Variants in DRAM1 observed in about 807,000 individuals in gnomAD.
The protein encoded by DRAM1 is DNA damage-regulated autophagy modulator protein 1.
In DRAM1, 25 loss-of-function variants were observed where a neutral mutation model predicts 28.5. The observed-to-expected ratio is 0.88, with a 90% CI of 0.64 to 1.23. DRAM1 has a LOEUF of 1.23. DRAM1 is among the 50% of genes most tolerant of loss of function. The pLI is 0.00. For missense variants in DRAM1, 249 were observed against 299.2 expected, an observed-to-expected ratio of 0.83 and a Z score of 1.24; for synonymous variants, 113 against 114.2, an observed-to-expected ratio of 0.99 and a Z score of 0.07.
intron 5 of DRAM1, among the ~76,000 whole-genome samples, chr12:101,915,881 G>A (rs1048788153): frequency 2.0e-5 from 3 of 152,242 alleles, no homozygotes; most frequent in South Asian, 2.1e-4. Context: ...GAACGGTAAA[G>A]CAAATAGAAA....
intron 1 of DRAM1, among the ~76,000 whole-genome samples, chr12:101,892,736 G>T (rs1033813133): frequency 6.6e-5 from 10 of 151,968 alleles, no homozygotes; most frequent in Non-Finnish European, 5.9e-5. Context: ...TTATTTTTAT[G>T]TATTTTTTAT....
rs543108431 is a variant in DRAM1, at chr12:101,888,898, G to A, written c.132-8965G>A. Among the ~76,000 whole-genome samples the A allele has an allele frequency of 2.0e-5, 3 of 147,268 alleles. No individual in the cohort carries two copies. In the East Asian group the frequency reaches 6.0e-4, roughly 29 times the overall value. Reference sequence around the variant, plus strand: ...CAGCTCACTGCAGCGTCTGCCTTCCGGGCTCAAGTGATCCTCCTACCTCAG... The same window carrying A: ...CAGCTCACTGCAGCGTCTGCCTTCCAGGCTCAAGTGATCCTCCTACCTCAG... On this transcript the variant is annotated intron_variant, in intron 1 of 6. Transcript: ENST00000258534.
In DRAM1 at chr12:101,882,389, C is replaced by T. The variant is rs190381209; in HGVS notation, c.131+4469C>T. 1.3e-4 allele frequency among the ~76,000 whole-genome samples: 20 copies of T among 151,164 alleles called. 2 individuals carry two copies. The East Asian group carries it at 3.4e-3, about 26-fold the overall frequency. ...CCTCCCAAAGTGCTGGGATTACAGG[C>T]GTGAGCCACCGCGCCCGGCCCCTGA... is the stretch of plus-strand genomic sequence containing the variant. On this transcript the variant is annotated intron_variant, in intron 1 of 6. Transcript: ENST00000258534.
chr12:101,920,082 A>G (rs751120383), intron 5 of DRAM1, 27 bp from the exon 6 acceptor site: 1 of 1,522,724 alleles, frequency 6.6e-7, no homozygotes, highest in South Asian at 1.2e-5. Flanking sequence ...TTTTCGGCTA[A>G]ATTCTGTTTC....
intron 1 of DRAM1, among the ~76,000 whole-genome samples, chr12:101,895,154 A>G (rs1334668221): frequency 6.7e-6 from 1 of 148,914 alleles, no homozygotes; most frequent in Non-Finnish European, 1.5e-5. Context: ...TATTGTAGGA[A>G]AAGTGGTAAT....
At chr12:101,915,155 A>G (rs772138615) in intron 5 of DRAM1, among the ~76,000 whole-genome samples, 2 of 150,172 alleles carry the variant, frequency 1.3e-5, no homozygotes, top group African/African-American at 2.5e-5. Flanking sequence ...ACTTTTTTGT[A>G]TTTTTAGTAG....
chr12:101,897,894 AT>A lies in DRAM1; in HGVS notation c.168del (p.Phe56LeufsTer4). The A allele has an allele frequency of 6.2e-7, 1 of 1,610,240 alleles. No homozygotes were observed. Among genetic ancestry groups the A allele is most frequent in the Non-Finnish European group, 8.5e-7 (1 of 1,176,972 alleles). On this transcript the variant is annotated frameshift_variant, in exon 2 of 7. Transcript: ENST00000258534. LOFTEE classifies it high-confidence loss of function. ...GGGAACAACACCTCCAGAGAGTGGTATTTTTGGATTTATGATAAACTTCTCT... is the reference window on the plus strand; with the variant it reads ...GGGAACAACACCTCCAGAGAGTGGTATTTTGGATTTATGATAAACTTCTCT... Reference protein sequence around the residue: ...DTGTTPPESGIFGFMINFSAF... With the variant: ...DTGTTPPESGXFGFMINFSAF...
chr12:101,921,200 T>A lies in DRAM1; in HGVS notation c.673-16T>A. 1 of 1,576,268 alleles carries A rather than the reference T, an allele frequency of 6.3e-7. No individual in the cohort carries two copies. The highest frequency in any genetic ancestry group is 8.7e-7 in the Non-Finnish European group (1 of 1,145,656). On this transcript the variant is annotated splice_polypyrimidine_tract_variant and intron_variant, in intron 6 of 6. Transcript: ENST00000258534. ...TTAACTTCTTTTAAACCTTTCTCTT[T>A]CATTTTTAAAAATAGAGTGTCACCC...
At chr12:101,917,415 C>T (rs570532928) in intron 5 of DRAM1, among the ~76,000 whole-genome samples, 77 of 152,112 alleles carry the variant, frequency 5.1e-4, no homozygotes, top group Non-Finnish European at 8.5e-4. Flanking sequence ...TGGCCGGGTG[C>T]GGTGGCTCAG....
chr12:101,912,235 A>C (rs1874068109), intron 4 of DRAM1, among the ~76,000 whole-genome samples: 1 of 152,232 alleles, frequency 6.6e-6, no homozygotes, highest in Non-Finnish European at 1.5e-5. Context: ...TGGATATTAG[A>C]AAATTAAAAA....
chr12:101,879,812 G>C (rs1434818703), intron 1 of DRAM1, among the ~76,000 whole-genome samples: 1 of 152,016 alleles, frequency 6.6e-6, no homozygotes, highest in Non-Finnish European at 1.5e-5. Context: ...TGGCCAACAT[G>C]GTAAAACCTC....
At chr12:101,890,368 C>A in intron 1 of DRAM1, 1 of 181,196 alleles carries the variant, frequency 5.5e-6, no homozygotes, top group Non-Finnish European at 1.0e-5. Context: ...GTGAGAACCA[C>A]CGAGCCCGGC....
intron 5 of DRAM1, among the ~76,000 whole-genome samples, chr12:101,914,482 C>CTTT (rs1437711201): frequency 6.0e-4 from 83 of 138,186 alleles, no homozygotes; most frequent in African/African-American, 2.2e-3. Flanking sequence ...TCTTCTTCTT[C>CTTT]TTCTTTTTTT....
chr12:101,882,107 ATTTTTTTTTTTTTTTT>A (rs78402038), intron 1 of DRAM1, among the ~76,000 whole-genome samples: 77 of 129,546 alleles, frequency 5.9e-4, no homozygotes, highest in East Asian at 1.1e-3. Context: ...TGATGGTCTA[ATTTTTTTTTTTTTTTT>A]TTTTTTTTTT....
chr12:101,879,236 G>A (rs1024748998), intron 1 of DRAM1, among the ~76,000 whole-genome samples: 3 of 152,114 alleles, frequency 2.0e-5, no homozygotes, highest in Non-Finnish European at 4.4e-5. Context: ...GACCTCAAGT[G>A]ATCCTCTTGC....
intron 1 of DRAM1, among the ~76,000 whole-genome samples, chr12:101,881,148 C>T (rs1252417294): frequency 1.3e-5 from 2 of 152,130 alleles, no homozygotes; most frequent in Non-Finnish European, 2.9e-5. Context: ...AGCGTGGTGG[C>T]ACATTCCTGT....
Position 101,921,375 on chromosome 12 carries a change from T to C in DRAM1, c.*115T>C. The C allele has an allele frequency of 1.3e-6, 1 of 772,402 alleles. No individual in the cohort carries two copies. Among genetic ancestry groups the C allele is most frequent in the Non-Finnish European group, 2.3e-6 (1 of 438,944 alleles). 47.8% of individuals were successfully genotyped at this position (772,402 alleles called of 1,614,324 possible). A position where few individuals can be genotyped will look rare whatever the true frequency, so the allele number is the denominator to read the frequency against. ...ATTATTGGGATGCATCTGCAGCACA[T>C]CCAGGACTTGAATTTCATTACGAGT... On this transcript the variant is annotated 3_prime_UTR_variant, in exon 7 of 7. Coordinates refer to ENST00000258534, the MANE Select transcript of DRAM1 (RefSeq NM_018370.3).
Position 101,920,177 on chromosome 12 carries a change from C to T in DRAM1, c.648C>T (p.Phe216=). The stretch of plus-strand genomic sequence containing the variant: ...TGGCCTTTGGTTTTATTTTCTACTT[C>T]CTAACTTTCATCCAAGATTTCCAGG... The part of the protein sequence containing the change: ...WTVAFGFIFY[F]LTFIQDFQSV... Residue 216 remains phenylalanine (F), a synonymous_variant, in exon 6 of 7, where the codon TTC becomes TTT. Coordinates refer to ENST00000258534, the MANE Select transcript of DRAM1 (RefSeq NM_018370.3). 1 of 1,611,356 alleles carries T rather than the reference C, an allele frequency of 6.2e-7. No homozygotes were observed.
chr12:101,892,498 C>T (rs1002360657), intron 1 of DRAM1, among the ~76,000 whole-genome samples: 4 of 151,778 alleles, frequency 2.6e-5, no homozygotes, highest in Non-Finnish European at 5.9e-5. Flanking sequence ...AAGTGATCCA[C>T]CTGCCTCGGC....
Sources: gnomAD v4.1 joint callset for allele counts (sites outside exome capture counted in the v4.1 genomes callset) on GRCh38, gnomAD v4.1.1 for gene constraint, MANE v1.5 for transcripts, NCBI Gene and HGNC (gene_info 2026-07-23, HGNC 2026-07-21) for gene names.